Variants in HERC1 observed in about 807,000 individuals in gnomAD.
HERC1 encodes the protein probable E3 ubiquitin-protein ligase HERC1.
In HERC1, 160 loss-of-function variants were observed where a neutral mutation model predicts 554.3. That is an observed-to-expected ratio of 0.29 (90% CI 0.25 to 0.33). The LOEUF (loss-of-function observed/expected upper bound fraction) is 0.33. Ranked by LOEUF, HERC1 falls within the 10% of genes least tolerant of loss-of-function variation. The pLI is 1.00. For missense variants in HERC1, 4,919 were observed against 5,918.5 expected (o/e 0.83, Z 5.54); for synonymous variants, 2,175 against 2,131.7 (o/e 1.02, Z -0.56).
intron 33 of HERC1, 33 bp downstream of exon 33, chr15:63,689,556 G>T: frequency 8.2e-7 from 1 of 1,215,294 alleles, no homozygotes; most frequent in Non-Finnish European, 1.2e-6. Flanking sequence ...CACTTATGCT[G>T]TTAAGAAATA....
At chr15:63,635,902 C>T in intron 65 of HERC1, 59 bp downstream of exon 65, 1 of 1,519,428 alleles carries the variant, frequency 6.6e-7, no homozygotes, top group Non-Finnish European at 9.0e-7. Flanking sequence ...TTTTAAGAAA[C>T]CTATTCAACA....
In HERC1 at chr15:63,747,824, C is replaced by T. The variant is rs1173486845; in HGVS notation, c.2254G>A (p.Asp752Asn). The change falls in exon 11 of 78, where the codon GAT becomes AAT. Residue 752 changes from aspartate (D) to asparagine (N), a missense_variant. Coordinates refer to ENST00000443617, the MANE Select transcript of HERC1 (RefSeq NM_003922.4). The part of the protein sequence containing the change: ...VVAWHRPYCV[D>N]LEESTFSHLR... ...TGTGAGAAGGTACTCTCTTCAAGAT[C>T]TACACAATAAGGTCGGTGCCATGCA... The T allele has an allele frequency of 1.9e-6, 3 of 1,549,572 alleles. No individual in the cohort carries two copies. The highest frequency in any genetic ancestry group is 2.6e-6 in the Non-Finnish European group (3 of 1,145,346).
At chr15:63,658,857 A>C in intron 47 of HERC1, 139 bp from the exon 48 acceptor site, 1 of 551,722 alleles carries the variant, frequency 1.8e-6, no homozygotes, top group South Asian at 3.6e-5. Flanking sequence ...TATACAGAAA[A>C]TTTCTTAGGA....
chr15:63,736,917 ACT>A (rs980779085), intron 12 of HERC1, among the ~76,000 whole-genome samples: 4 of 151,782 alleles, frequency 2.6e-5, no homozygotes, highest in Admixed American at 2.6e-4. Context: ...ATAGCATCAC[ACT>A]CTTACCCATG....
rs79957244 is a variant in HERC1, at chr15:63,832,612, G to C, written c.-27+1215C>G. 4.2e-3 allele frequency among the ~76,000 whole-genome samples: 637 copies of C among 152,182 alleles called. 8 individuals are homozygous for C. Among genetic ancestry groups the C allele is most frequent in the African/African-American group, 0.015 (611 of 41,492 alleles). On this transcript the variant is annotated intron_variant, in intron 1 of 77. Coordinates refer to ENST00000443617, the MANE Select transcript of HERC1 (RefSeq NM_003922.4). ...AAATATAATATATACATAGGTACTA[G>C]ACCCAAACAGACAATGTTTTAACGT...
intron 1 of HERC1, among the ~76,000 whole-genome samples, chr15:63,828,122 G>A (rs898011582): frequency 2.0e-5 from 3 of 152,156 alleles, no homozygotes; most frequent in African/African-American, 7.2e-5. Flanking sequence ...TATGGTATGT[G>A]AATTGTATGG....
rs1265572890 is a variant in HERC1, at chr15:63,826,812, AAAATATATATATATATATAT to A, written c.-27+6995_-27+7014del. ...AAAAAAAAAAAAAAAAAAAAAAAAA[AAAATATATATATATATATAT>A]ATATATATATAAAGTATGACAACGT... On this transcript the variant is annotated intron_variant, in intron 1 of 77. Transcript: ENST00000443617. 1.3e-4 allele frequency among the ~76,000 whole-genome samples: 5 copies of A among 37,384 alleles called. No homozygotes were observed. The East Asian group carries it at 3.0e-3, about 22-fold the overall frequency. 24.5% of individuals were successfully genotyped at this position (37,384 alleles called of 152,430 possible).
At position 63,718,943 on chromosome 15, in the gene HERC1, C is replaced by T. The variant is rs754391692; in HGVS notation, c.3743-46G>A. The T allele has an allele frequency of 3.3e-5, 44 of 1,339,568 alleles. 1 individual carries two copies. The South Asian group carries it at 5.5e-4, about 17-fold the overall frequency. 83.0% of individuals were successfully genotyped at this position (1,339,568 alleles called of 1,614,324 possible). A position where few individuals can be genotyped will look rare whatever the true frequency, so the allele number is the denominator to read the frequency against. ...TTGACATTTAAAAGGGCTCAGAAAACAGTTCAGAGGTAATTTTTATAGCTT... is the reference window on the plus strand; with the variant it reads ...TTGACATTTAAAAGGGCTCAGAAAATAGTTCAGAGGTAATTTTTATAGCTT... On this transcript the variant is annotated intron_variant, in intron 19 of 77. Coordinates refer to ENST00000443617, the MANE Select transcript of HERC1 (RefSeq NM_003922.4). The surrounding 1 kb of genome is among the most constrained non-coding windows in gnomAD (Gnocchi z 4.2).
chr15:63,670,544 A>G (rs1301599886), intron 39 of HERC1, among the ~76,000 whole-genome samples: 1 of 152,124 alleles, frequency 6.6e-6, no homozygotes, highest in Non-Finnish European at 1.5e-5. Context: ...GTGCAACTCT[A>G]ATGAAGTCCC....
At chr15:63,736,109 C>G (rs1275600528) in intron 12 of HERC1, among the ~76,000 whole-genome samples, 5 of 152,090 alleles carry the variant, frequency 3.3e-5, no homozygotes, top group Non-Finnish European at 7.4e-5. Flanking sequence ...CAGAAAGGAA[C>G]AGACAAAGGG....
intron 1 of HERC1, among the ~76,000 whole-genome samples, chr15:63,811,259 T>C (rs184271588): frequency 6.6e-6 from 1 of 152,314 alleles, no homozygotes; most frequent in Non-Finnish European, 1.5e-5. Context: ...GTCCTTCTTC[T>C]TAGAAGATAC....
At chr15:63,796,482 G>T (rs1315505770) in intron 1 of HERC1, among the ~76,000 whole-genome samples, 1 of 152,102 alleles carries the variant, frequency 6.6e-6, no homozygotes, top group Non-Finnish European at 1.5e-5. Flanking sequence ...CTCCATCATC[G>T]ATCATTCCGG....
At chr15:63,642,085 C>G (rs1449499756) in intron 59 of HERC1, among the ~76,000 whole-genome samples, 1 of 152,070 alleles carries the variant, frequency 6.6e-6, no homozygotes, top group Non-Finnish European at 1.5e-5. Context: ...GCAGTAGAAC[C>G]TTTCATGAAG....
intron 21 of HERC1, 111 bp from the exon 22 acceptor site, chr15:63,716,584 A>G: frequency 1.2e-6 from 1 of 849,804 alleles, no homozygotes; most frequent in African/African-American, 1.7e-5. Flanking sequence ...TATCAGTAAT[A>G]ACACATGAAC....
chr15:63,820,474 G>A (rs950451342), intron 1 of HERC1, among the ~76,000 whole-genome samples: 2 of 152,012 alleles, frequency 1.3e-5, no homozygotes, highest in African/African-American at 4.8e-5. Flanking sequence ...TTCTAAATTA[G>A]GTTAACCACT....
chr15:63,698,568 G>A (rs2072555465), intron 26 of HERC1, among the ~76,000 whole-genome samples, 160 bp downstream of exon 26: 1 of 152,100 alleles, frequency 6.6e-6, no homozygotes, highest in Admixed American at 6.6e-5. Flanking sequence ...ACAAAATAAT[G>A]TGCTGTTCTA....
intron 74 of HERC1, among the ~76,000 whole-genome samples, chr15:63,621,474 G>A (rs1186530280): frequency 6.6e-6 from 1 of 151,966 alleles, no homozygotes; most frequent in Non-Finnish European, 1.5e-5. Flanking sequence ...TATGTGTCTT[G>A]GAGTTGCTCT....
Position 63,678,039 on chromosome 15 carries a change from T to C in HERC1, c.6876A>G (p.Ser2292=), listed in dbSNP as rs376415661. 36 of 1,613,888 alleles carry C rather than the reference T, an allele frequency of 2.2e-5. No individual in the cohort carries two copies. The highest frequency in any genetic ancestry group is 1.5e-4 in the Admixed American group (9 of 60,012). The stretch of plus-strand genomic sequence containing the variant: ...TGCAAAGAGTCCTCAGCTGCAGCTC[T>C]GAGAGGTCAGCGAGGCCATGCCTAG... ...KHTRHGLADL[S]ELQLRTLCIE... Residue 2292 remains serine (S), a synonymous_variant, in exon 37 of 78, where the codon TCA becomes TCG. Transcript: ENST00000443617.
chr15:63,648,233 A>G, intron 54 of HERC1, 34 bp from the exon 55 acceptor site: 2 of 1,568,872 alleles, frequency 1.3e-6, no homozygotes, highest in Non-Finnish European at 1.7e-6. Flanking sequence ...TAAGGAAAAG[A>G]TAATTATTTG....
Sources: allele counts gnomAD v4.1 joint callset (sites outside exome capture counted in the v4.1 genomes callset), GRCh38; gene constraint gnomAD v4.1.1; non-coding constraint Gnocchi (gnomAD v3.1); transcripts MANE v1.5; gene names NCBI Gene and HGNC (gene_info 2026-07-23, HGNC 2026-07-21).